The following FARS2 variants were observed in gnomAD, a reference collection of about 807,000 sequenced individuals.
The protein encoded by FARS2 is phenylalanyl-tRNA synthetase 2, mitochondrial.
In FARS2, 40 loss-of-function variants were observed where a neutral mutation model predicts 46.4. The observed-to-expected ratio is 0.86, with a 90% CI of 0.67 to 1.12. FARS2 has a LOEUF of 1.12. Ranked by LOEUF, FARS2 falls within the 50% of genes most tolerant of loss-of-function variation. The pLI is 0.00. For synonymous variants in FARS2, 234 were observed against 214.9 expected, an observed-to-expected ratio of 1.09 and a Z score of -0.78; for missense variants, 513 against 567.9, an observed-to-expected ratio of 0.90 and a Z score of 0.98.
chr6:5,493,579 G>A (rs1432720930), intron 4 of FARS2, among the ~76,000 whole-genome samples: 1 of 152,174 alleles, frequency 6.6e-6, no homozygotes, highest in Non-Finnish European at 1.5e-5. Context: ...TGGGACTGGA[G>A]ATCTAACTTC....
At chr6:5,483,537 C>T (rs1205378348) in intron 4 of FARS2, among the ~76,000 whole-genome samples, 3 of 152,074 alleles carry the variant, frequency 2.0e-5, no homozygotes, top group Non-Finnish European at 4.4e-5. Context: ...CTTGATTGTA[C>T]ATACCTGTAG....
At chr6:5,363,354 C>T (rs190602592) in intron 1 of FARS2, among the ~76,000 whole-genome samples, 1 of 152,248 alleles carries the variant, frequency 6.6e-6, no homozygotes, top group East Asian at 1.9e-4. Flanking sequence ...TGAGTTGTCT[C>T]TTCACTCTAT....
chr6:5,520,751 C>T (rs1769084622), intron 4 of FARS2, among the ~76,000 whole-genome samples: 1 of 152,010 alleles, frequency 6.6e-6, no homozygotes, highest in South Asian at 2.1e-4. Context: ...AAAAATAACA[C>T]ATGAAGGACA....
chr6:5,257,709 C>T (rs1764747028), upstream of FARS2, among the ~76,000 whole-genome samples: 1 of 152,170 alleles, frequency 6.6e-6, no homozygotes, highest in South Asian at 2.1e-4. Context: ...TTGCATGCTC[C>T]TTATGAGAAT....
intron 1 of FARS2, among the ~76,000 whole-genome samples, chr6:5,317,375 A>G (rs1296324196): frequency 6.6e-6 from 1 of 152,200 alleles, no homozygotes; most frequent in Non-Finnish European, 1.5e-5. Flanking sequence ...CAGAGCAGTA[A>G]TTTAAAGTCA....
At chr6:5,360,130 A>G (rs989753674) in intron 1 of FARS2, among the ~76,000 whole-genome samples, 2 of 152,244 alleles carry the variant, frequency 1.3e-5, no homozygotes, top group Admixed American at 6.5e-5. Context: ...CTGTATATTA[A>G]CATTTTCTCC....
chr6:5,740,272 C>T (rs770745028), intron 6 of FARS2, among the ~76,000 whole-genome samples: 4 of 152,214 alleles, frequency 2.6e-5, no homozygotes, highest in East Asian at 1.9e-4. Context: ...AAAATACACA[C>T]GAGAAAGTTT....
At chr6:5,252,162 T>A in the FARS2 span, among the ~76,000 whole-genome samples, 1 of 152,210 alleles carries the variant, frequency 6.6e-6, no homozygotes, top group South Asian at 2.1e-4. Context: ...AAGGAGGAAC[T>A]GTGAAAATAA....
intron 6 of FARS2, among the ~76,000 whole-genome samples, chr6:5,715,206 G>A (rs993618409): frequency 6.6e-6 from 1 of 152,142 alleles, no homozygotes; most frequent in African/African-American, 2.4e-5. Context: ...GGGTCACACA[G>A]CTCATAATTT....
At chr6:5,625,874 A>T (rs1006710700) in intron 6 of FARS2, among the ~76,000 whole-genome samples, 5 of 152,198 alleles carry the variant, frequency 3.3e-5, no homozygotes, top group Non-Finnish European at 4.4e-5. Context: ...GCTTGGAATC[A>T]CAAGGCTGAA....
At chr6:5,718,120 G>A (rs1759646698) in intron 6 of FARS2, among the ~76,000 whole-genome samples, 1 of 151,984 alleles carries the variant, frequency 6.6e-6, no homozygotes, top group Admixed American at 6.6e-5. Context: ...CACCATGTTG[G>A]CCAGGCTGGT....
chr6:5,602,924 G>T (rs1774621656), intron 5 of FARS2, among the ~76,000 whole-genome samples: 1 of 152,092 alleles, frequency 6.6e-6, no homozygotes, highest in Non-Finnish European at 1.5e-5. Flanking sequence ...ATGACGTCTG[G>T]GCTTTGTGAA....
At chr6:5,334,512 A>T (rs564938405) in intron 1 of FARS2, among the ~76,000 whole-genome samples, 99 of 152,324 alleles carry the variant, frequency 6.5e-4, no homozygotes, top group African/African-American at 2.3e-3. Context: ...CTTTTGTATG[A>T]TGGAATACTT....
chr6:5,579,377 C>T (rs1413626172), intron 5 of FARS2, among the ~76,000 whole-genome samples: 1 of 152,158 alleles, frequency 6.6e-6, no homozygotes, highest in Non-Finnish European at 1.5e-5. Flanking sequence ...TCTCCTGCCT[C>T]AGCCTCCCGA....
At chr6:5,621,375 A>G (rs573427159) in intron 6 of FARS2, among the ~76,000 whole-genome samples, 84 of 152,176 alleles carry the variant, frequency 5.5e-4, no homozygotes, top group African/African-American at 2.0e-3. Context: ...ACAGGTGTGA[A>G]CCACTACACC....
chr6:5,269,249 A>G (rs942805324), intron 1 of FARS2, among the ~76,000 whole-genome samples: 1 of 151,998 alleles, frequency 6.6e-6, no homozygotes, highest in Non-Finnish European at 1.5e-5. Context: ...CAGAAAACCA[A>G]ACACCGCATG....
At chr6:5,517,891 T>C (rs890325762) in intron 4 of FARS2, among the ~76,000 whole-genome samples, 8 of 152,176 alleles carry the variant, frequency 5.3e-5, no homozygotes, top group Admixed American at 4.6e-4. Flanking sequence ...AGAAATATAA[T>C]GTAAGTCCCC....
At chr6:5,360,219 T>A (rs1224467545) in intron 1 of FARS2, among the ~76,000 whole-genome samples, 1 of 152,244 alleles carries the variant, frequency 6.6e-6, no homozygotes, top group Non-Finnish European at 1.5e-5. Context: ...AATGGTACTA[T>A]GCAACTTGTT....
intron 6 of FARS2, among the ~76,000 whole-genome samples, chr6:5,628,133 G>A (rs73718325): frequency 0.055 from 8,359 of 152,188 alleles, 612 homozygotes; most frequent in African/African-American, 0.17. Flanking sequence ...AATTATTCAC[G>A]GTTACCTGGG....
Sources: gnomAD v4.1 joint callset for allele counts (sites outside exome capture counted in the v4.1 genomes callset) on GRCh38, gnomAD v4.1.1 for gene constraint, MANE v1.5 for transcripts, NCBI Gene and HGNC (gene_info 2026-07-23, HGNC 2026-07-21) for gene names.